Variants in ADI1 observed in about 807,000 individuals in gnomAD.
The protein encoded by ADI1 is acireductone dioxygenase.
ADI1 carries 21 observed loss-of-function variants against 18.7 expected under a neutral mutation model. The observed-to-expected ratio is 1.13, with a 90% CI of 0.80 to 1.62. The LOEUF is 1.62. ADI1 is among the 40% of genes most tolerant of loss of function. ADI1 has a pLI of 0.00. For missense variants in ADI1, 245 were observed against 254.9 expected, an observed-to-expected ratio of 0.96 and a Z score of 0.26; for synonymous variants, 90 against 100.1, an observed-to-expected ratio of 0.90 and a Z score of 0.60.
At chr2:3,515,895 C>T (rs377663164) in intron 1 of ADI1, 67 of 985,090 alleles carry the variant, frequency 6.8e-5, no homozygotes, top group African/African-American at 1.4e-4. Context: ...TGGGTTCCCC[C>T]GATACTCCAG....
At position 3,500,531 on chromosome 2, in the gene ADI1, CCG is replaced by C. The variant is rs1215796774; in HGVS notation, c.420+281_420+282del. 1.7e-3 allele frequency: 310 copies of C among 186,528 alleles called. 5 individuals are homozygous for C. In the African/African-American group the frequency reaches 0.1, roughly 61 times the overall value. The allele number at this position is 186,528 out of a possible 1,614,324, so 11.6% of individuals were successfully genotyped here. A position where few individuals can be genotyped will look rare whatever the true frequency, so the allele number is the denominator to read the frequency against. On this transcript the variant is annotated intron_variant, in intron 3 of 3. Coordinates refer to ENST00000327435, the MANE Select transcript of ADI1 (RefSeq NM_018269.4). ...CAGGCTCGTGGGTGTGTACCTGCCG[CCG>C]CATGTACCTGCCGCCGCCTGTACCT...
rs746482974 is a variant in ADI1 at position 3,514,057 on chromosome 2, T to C, written c.121-81A>G. The C allele has an allele frequency of 4.2e-5, 62 of 1,473,624 alleles. No homozygotes were observed. In the African/African-American group the frequency reaches 6.8e-4, roughly 16 times the overall value. 91.3% of individuals were successfully genotyped at this position (1,473,624 alleles called of 1,614,324 possible). A position where few individuals can be genotyped will look rare whatever the true frequency, so the allele number is the denominator to read the frequency against. On this transcript the variant is annotated intron_variant, in intron 1 of 3. Transcript: ENST00000327435. ...ACATTCTCTTTCTGGATCTCCAATA[T>C]GATTTTATACTCCAAATTTATCATT...
At chr2:3,517,791 G>A (rs1667442609) in intron 1 of ADI1, 1 of 151,830 alleles carries the variant, frequency 6.6e-6, no homozygotes, top group African/African-American at 2.4e-5. Context: ...AAAACACACA[G>A]GACATTAAAA....
intron 1 of ADI1, chr2:3,517,088 C>G (rs570538788): frequency 2.5e-4 from 56 of 223,962 alleles, no homozygotes; most frequent in Non-Finnish European, 3.5e-4. Context: ...AACCAAAATG[C>G]AGCCACTCAT....
intron 1 of ADI1, chr2:3,514,956 T>C: frequency 5.6e-6 from 8 of 1,431,192 alleles, no homozygotes; most frequent in Non-Finnish European, 7.4e-6. Flanking sequence ...TGCCTGTCTT[T>C]AATCTCTTAA....
At chr2:3,510,185 C>A (rs1366535576) in intron 2 of ADI1, among the ~76,000 whole-genome samples, 3 of 150,544 alleles carry the variant, frequency 2.0e-5, no homozygotes, top group Non-Finnish European at 4.4e-5. Flanking sequence ...CATGGTGGCA[C>A]ATACCTGTAG....
Position 3,498,719 on chromosome 2 carries a change from T to C in ADI1, c.*244A>G. On this transcript the variant is annotated 3_prime_UTR_variant, in exon 4 of 4. Coordinates refer to ENST00000327435, the MANE Select transcript of ADI1 (RefSeq NM_018269.4). ...TTGGGACTCAACTGAATGCATGAAC[T>C]AACACAGGGCCATGGACCCACCAGT... The C allele has an allele frequency of 2.2e-6, 1 of 453,124 alleles. No homozygotes were observed. Among genetic ancestry groups the C allele is most frequent in the East Asian group, 3.6e-5 (1 of 28,132 alleles). The allele number at this position is 453,124 out of a possible 1,614,324, so 28.1% of individuals were successfully genotyped here.
Position 3,498,305 on chromosome 2 carries a change from T to C in ADI1, c.*658A>G, listed in dbSNP as rs1572229050. The stretch of plus-strand genomic sequence containing the variant: ...GCTTTATTGTGAAAGAATCCAGAGA[T>C]CTCACACTGAAAAAATACTAACACA... On this transcript the variant is annotated 3_prime_UTR_variant, in exon 4 of 4. Coordinates refer to ENST00000327435, the MANE Select transcript of ADI1 (RefSeq NM_018269.4). 6.6e-6 allele frequency: 1 copy of C among 152,204 alleles called. No individual in the cohort carries two copies. 9.4% of individuals were successfully genotyped at this position (152,204 alleles called of 1,614,324 possible). A position where few individuals can be genotyped will look rare whatever the true frequency, so the allele number is the denominator to read the frequency against.
At chr2:3,519,301 C>A (rs544600315) in intron 1 of ADI1, 67 bp downstream of exon 1, 3 of 1,336,360 alleles carry the variant, frequency 2.2e-6, no homozygotes, top group African/African-American at 3.1e-5. Flanking sequence ...CTGGAGGAGG[C>A]TGGGCTGTGC....
chr2:3,517,583 TG>T (rs1337281769), intron 1 of ADI1: 3 of 152,132 alleles, frequency 2.0e-5, no homozygotes. Flanking sequence ...CTGACCAACA[TG>T]GAGAAACCCT....
Position 3,499,026 on chromosome 2 carries a change from G to A in ADI1, c.477C>T (p.Asn159=). The part of the protein sequence containing the change: ...FVGEPVWTAY[N]RPADHFEARG... ...GGGCTTCAAAATGGTCAGCGGGCCG[G>A]TTGTACGCTGTCCACACCGGTTCTC... is the stretch of plus-strand genomic sequence containing the variant. The change falls in exon 4 of 4, where the codon AAC becomes AAT. Residue 159 remains asparagine, a synonymous_variant. Transcript: ENST00000327435. 1.2e-6 allele frequency: 2 copies of A among 1,614,158 alleles called. No homozygotes were observed. Among genetic ancestry groups the A allele is most frequent in the Non-Finnish European group, 1.7e-6 (2 of 1,179,986 alleles).
intron 2 of ADI1, among the ~76,000 whole-genome samples, chr2:3,504,643 G>A (rs1057467237): frequency 1.3e-5 from 2 of 152,208 alleles, no homozygotes; most frequent in Non-Finnish European, 2.9e-5. Context: ...TCTGCTCTTA[G>A]TTCTATCTGG....
In ADI1 at chr2:3,497,986, A is replaced by G. The variant is rs1361567943; in HGVS notation, c.*977T>C. ...ACTTGACAGAAGCAAGCCCTGCGGTATATGGCATCATCACACCACCGGTGG... is the reference window on the plus strand; with the variant it reads ...ACTTGACAGAAGCAAGCCCTGCGGTGTATGGCATCATCACACCACCGGTGG... On this transcript the variant is annotated 3_prime_UTR_variant, in exon 4 of 4. Coordinates refer to ENST00000327435, the MANE Select transcript of ADI1 (RefSeq NM_018269.4). 1 of 152,174 alleles carries G rather than the reference A, an allele frequency of 6.6e-6. No homozygotes were observed. Among genetic ancestry groups the G allele is most frequent in the Non-Finnish European group, 1.5e-5 (1 of 68,036 alleles). The allele number at this position is 152,174 out of a possible 1,614,324, so 9.4% of individuals were successfully genotyped here.
rs1460080162 is a variant in ADI1 at position 3,500,926 on chromosome 2, C to T, written c.308G>A (p.Gly103Glu). The change falls in exon 3 of 4, where the codon GGG becomes GAG. Residue 103 changes from glycine to glutamate, a missense_variant. Coordinates refer to ENST00000327435, the MANE Select transcript of ADI1 (RefSeq NM_018269.4). ...CTCCTTGTCCCTCACATCGAAGTAC[C>T]CACTGCCATCCAGGATGTAGCGGAT... ...DEIRYILDGS[G>E]YFDVRDKEDQ... The T allele has an allele frequency of 6.2e-7, 1 of 1,614,140 alleles. No homozygotes were observed. The highest frequency in any genetic ancestry group is 1.3e-5 in the African/African-American group (1 of 75,060).
intron 1 of ADI1, 30 bp from the exon 2 acceptor site, chr2:3,514,006 G>A (rs1325038524): frequency 6.4e-7 from 1 of 1,570,542 alleles, no homozygotes; most frequent in Non-Finnish European, 8.6e-7. Context: ...AAAAACAAGA[G>A]CTCAGATTAA....
chr2:3,508,265 G>A (rs111365891), intron 2 of ADI1, among the ~76,000 whole-genome samples: 21 of 148,350 alleles, frequency 1.4e-4, no homozygotes, highest in African/African-American at 3.7e-4. Context: ...AACCTAGGAG[G>A]TGGAGCTTGC....
intron 2 of ADI1, among the ~76,000 whole-genome samples, chr2:3,508,817 T>A (rs1471374277): frequency 6.6e-6 from 1 of 151,822 alleles, no homozygotes; most frequent in Non-Finnish European, 1.5e-5. Context: ...GATGGGAGGA[T>A]CACTTGAGCT....
intron 1 of ADI1, chr2:3,515,006 G>A: frequency 1.1e-6 from 1 of 874,998 alleles, no homozygotes; most frequent in South Asian, 2.0e-5. Flanking sequence ...TGTCACCTCA[G>A]GACCACTGTG....
At chr2:3,500,721 G>T (rs1219323876) in intron 3 of ADI1, 93 bp downstream of exon 3, 7 of 1,555,556 alleles carry the variant, frequency 4.5e-6, no homozygotes, top group Non-Finnish European at 5.3e-6. Flanking sequence ...ACCGCGCTTG[G>T]AGTCTGCGGA....
Sources: allele counts gnomAD v4.1 joint callset (sites outside exome capture counted in the v4.1 genomes callset), GRCh38; gene constraint gnomAD v4.1.1; transcripts MANE v1.5; gene names NCBI Gene and HGNC (gene_info 2026-07-23, HGNC 2026-07-21).